The following MIPOL1 variants were observed in gnomAD, a reference collection of about 807,000 sequenced individuals.
MIPOL1 encodes the protein mirror-image polydactyly 1.
A neutral mutation model predicts 60.9 loss-of-function variants in MIPOL1; 57 were observed. The observed-to-expected ratio is 0.94, with a 90% CI of 0.76 to 1.17. MIPOL1 has a LOEUF of 1.17. Among genes scored for constraint, MIPOL1 ranks in the 50% most tolerant of loss-of-function variants. MIPOL1 has a pLI of 0.00. For missense variants in MIPOL1, 551 were observed against 511.6 expected, an observed-to-expected ratio of 1.08 and a Z score of -0.74; for synonymous variants, 179 against 168.8, an observed-to-expected ratio of 1.06 and a Z score of -0.47.
intron 10 of MIPOL1, among the ~76,000 whole-genome samples, chr14:37,404,053 T>C (rs1350748268): frequency 6.6e-6 from 1 of 152,200 alleles, no homozygotes; most frequent in Non-Finnish European, 1.5e-5. Context: ...ATAGGAAATA[T>C]AAAAGTAATT....
intron 9 of MIPOL1, among the ~76,000 whole-genome samples, chr14:37,325,524 TTTC>T (rs967067086): frequency 6.6e-6 from 1 of 151,914 alleles, no homozygotes; most frequent in African/African-American, 2.4e-5. Context: ...CTTTCCTTCC[TTTC>T]TTTTTTCCTT....
Position 37,253,598 on chromosome 14 carries a change from T to C in MIPOL1, c.19+5691T>C, listed in dbSNP as rs545031992. ...TTTTAAGTAAATCGTGGTGATTGTCTTTCTTATTCCTTCTAGCTATGGAAG... is the reference window on the plus strand; with the variant it reads ...TTTTAAGTAAATCGTGGTGATTGTCCTTCTTATTCCTTCTAGCTATGGAAG... On this transcript the variant is annotated intron_variant, in intron 3 of 12. Coordinates refer to ENST00000684589, the MANE Select transcript of MIPOL1 (RefSeq NM_001388067.1). Among the ~76,000 whole-genome samples the C allele has an allele frequency of 2.0e-5, 3 of 151,924 alleles. No homozygotes were observed. In the South Asian group the frequency reaches 6.2e-4, roughly 31 times the overall value.
chr14:37,308,790 A>G (rs968723924), intron 9 of MIPOL1, among the ~76,000 whole-genome samples: 1 of 152,122 alleles, frequency 6.6e-6, no homozygotes. Context: ...TGTTATAGAA[A>G]TTGTTATATT....
At chr14:37,287,533 C>T (rs1164792798) in intron 7 of MIPOL1, among the ~76,000 whole-genome samples, 1 of 152,120 alleles carries the variant, frequency 6.6e-6, no homozygotes, top group East Asian at 1.9e-4. Flanking sequence ...AGATTACAGG[C>T]ATGAGCCATT....
At chr14:37,495,882 T>G (rs1237561235) in intron 11 of MIPOL1, among the ~76,000 whole-genome samples, 1 of 150,410 alleles carries the variant, frequency 6.6e-6, no homozygotes, top group Non-Finnish European at 1.5e-5. Context: ...TGGCCAGTGA[T>G]GATGAGCATT....
chr14:37,273,631 TAAAAC>T (rs2083450182), intron 6 of MIPOL1, among the ~76,000 whole-genome samples: 1 of 151,424 alleles, frequency 6.6e-6, no homozygotes, highest in Non-Finnish European at 1.5e-5. Flanking sequence ...CAAGACCACA[TAAAAC>T]AAAAGATGTC....
intron 12 of MIPOL1, chr14:37,506,169 A>G (rs772922100): frequency 6.6e-6 from 1 of 152,326 alleles, no homozygotes; most frequent in South Asian, 2.1e-4. Context: ...GAAAATGGCC[A>G]TACTGCCTAA....
chr14:37,374,032 C>A (rs534765487), intron 10 of MIPOL1, among the ~76,000 whole-genome samples: 16 of 152,274 alleles, frequency 1.1e-4, no homozygotes, highest in African/African-American at 3.6e-4. Context: ...TCTCCACATC[C>A]TCTCCACCAT....
intron 11 of MIPOL1, among the ~76,000 whole-genome samples, chr14:37,439,928 A>G (rs1427204746): frequency 6.6e-6 from 1 of 152,130 alleles, no homozygotes; most frequent in Admixed American, 6.5e-5. Flanking sequence ...GTGCAGTCAC[A>G]GCTCACTGCA....
rs932095289 is a variant in MIPOL1 at position 37,312,434 on chromosome 14, A to G, written c.828+3915A>G. ...CTTGATTTTAAAGCTATTATTTAGCATCAGACATTTTCTAATTATGTCTTC... is the reference window on the plus strand; with the variant it reads ...CTTGATTTTAAAGCTATTATTTAGCGTCAGACATTTTCTAATTATGTCTTC... On this transcript the variant is annotated intron_variant, in intron 9 of 12. Transcript: ENST00000684589. Among the ~76,000 whole-genome samples the G allele has an allele frequency of 2.0e-5, 3 of 152,158 alleles. No homozygotes were observed. In the East Asian group the frequency reaches 5.8e-4, roughly 29 times the overall value.
At chr14:37,492,819 G>C (rs761588802) in intron 11 of MIPOL1, among the ~76,000 whole-genome samples, 1 of 152,032 alleles carries the variant, frequency 6.6e-6, no homozygotes, top group South Asian at 2.1e-4. Context: ...CTGTTTAGCA[G>C]CATCTTTAGC....
chr14:37,354,101 G>A (rs2091619505), intron 9 of MIPOL1, among the ~76,000 whole-genome samples: 1 of 150,484 alleles, frequency 6.6e-6, no homozygotes, highest in African/African-American at 2.4e-5. Context: ...ATTCTGGTAT[G>A]TTGTGTCTTT....
chr14:37,285,921 T>G (rs1351593777), intron 7 of MIPOL1, among the ~76,000 whole-genome samples: 1 of 152,182 alleles, frequency 6.6e-6, no homozygotes, highest in East Asian at 1.9e-4. Context: ...ACCTTTGGCA[T>G]GCTAGTTTGC....
chr14:37,286,505 T>TA (rs2084577227), intron 7 of MIPOL1, among the ~76,000 whole-genome samples: 1 of 152,182 alleles, frequency 6.6e-6, no homozygotes, highest in East Asian at 1.9e-4. Context: ...CCTGTACAGA[T>TA]AGATAGAATC....
intron 10 of MIPOL1, among the ~76,000 whole-genome samples, chr14:37,385,131 A>G (rs181704479): frequency 1.3e-5 from 2 of 152,230 alleles, no homozygotes; most frequent in African/African-American, 4.8e-5. Flanking sequence ...TGGTCAAACA[A>G]AAGATTTTGC....
chr14:37,292,765 G>A (rs762891228), intron 7 of MIPOL1, among the ~76,000 whole-genome samples: 3 of 152,102 alleles, frequency 2.0e-5, no homozygotes, highest in Non-Finnish European at 2.9e-5. Context: ...ACAGGTGTTA[G>A]CCACCATGCC....
intron 11 of MIPOL1, among the ~76,000 whole-genome samples, chr14:37,425,538 G>A (rs987958431): frequency 2.6e-5 from 4 of 152,068 alleles, no homozygotes; most frequent in African/African-American, 7.2e-5. Flanking sequence ...CAATTAGACA[G>A]CCATGACATG....
chr14:37,530,038 G>A (rs2095470426), intron 12 of MIPOL1, among the ~76,000 whole-genome samples: 1 of 152,154 alleles, frequency 6.6e-6, no homozygotes, highest in African/African-American at 2.4e-5. Flanking sequence ...GGTGTTAGAG[G>A]TAAGAGTACC....
At chr14:37,481,196 C>A (rs778212214) in intron 11 of MIPOL1, among the ~76,000 whole-genome samples, 1 of 151,878 alleles carries the variant, frequency 6.6e-6, no homozygotes, top group Non-Finnish European at 1.5e-5. Flanking sequence ...AAATCAACAC[C>A]CCGAAATCCA....
Sources: gnomAD v4.1 joint callset for allele counts (sites outside exome capture counted in the v4.1 genomes callset) on GRCh38, gnomAD v4.1.1 for gene constraint, MANE v1.5 for transcripts, NCBI Gene and HGNC (gene_info 2026-07-23, HGNC 2026-07-21) for gene names.